Variants in ARHGAP10 observed in about 807,000 individuals in gnomAD.
ARHGAP10 encodes the protein Rho GTPase activating protein 10.
ARHGAP10 carries 87 observed loss-of-function variants against 108.6 expected under a neutral mutation model. The observed-to-expected ratio is 0.80, with a 90% CI of 0.67 to 0.96. The LOEUF (loss-of-function observed/expected upper bound fraction) is 0.96. Among genes scored for constraint, ARHGAP10 ranks in the 40% least tolerant of loss-of-function variants. The pLI, the probability that ARHGAP10 is intolerant of heterozygous loss-of-function variation, is 0.00. For synonymous variants in ARHGAP10, 347 were observed against 341.1 expected (o/e 1.02, Z -0.19); for missense variants, 939 against 954.5 (o/e 0.98, Z 0.21).
intron 8 of ARHGAP10, among the ~76,000 whole-genome samples, chr4:147,876,314 T>C (rs945844041): frequency 4.6e-5 from 7 of 152,136 alleles, no homozygotes; most frequent in African/African-American, 1.7e-4. Flanking sequence ...AAGATAGGGC[T>C]GGGCGCGGTG....
intron 18 of ARHGAP10, among the ~76,000 whole-genome samples, chr4:147,995,201 C>G (rs1740425041): frequency 6.6e-6 from 1 of 152,160 alleles, no homozygotes; most frequent in African/African-American, 2.4e-5. Flanking sequence ...CCATTCATTC[C>G]TCTAGGTCAG....
chr4:147,837,720 A>G (rs1733236858), intron 3 of ARHGAP10, among the ~76,000 whole-genome samples: 1 of 137,582 alleles, frequency 7.3e-6, no homozygotes, highest in Admixed American at 9.1e-5. Flanking sequence ...GTGGAACCCT[A>G]GCTAGGTGTC....
intron 1 of ARHGAP10, among the ~76,000 whole-genome samples, chr4:147,740,868 C>G (rs141293067): frequency 2.0e-5 from 3 of 152,282 alleles, no homozygotes; most frequent in Non-Finnish European, 2.9e-5. Context: ...ATGAAAGCAT[C>G]TTGTATACCC....
chr4:148,049,999 C>T (rs1729061120), intron 20 of ARHGAP10, among the ~76,000 whole-genome samples: 1 of 152,018 alleles, frequency 6.6e-6, no homozygotes, highest in African/African-American at 2.4e-5. Flanking sequence ...TCCCCAGTAG[C>T]TGGGATTACA....
intron 19 of ARHGAP10, among the ~76,000 whole-genome samples, chr4:148,030,019 T>C (rs1355541775): frequency 2.1e-5 from 3 of 142,890 alleles, no homozygotes; most frequent in Admixed American, 7.0e-5. Context: ...ACCCCAATGC[T>C]AGTGACAAAG....
At chr4:147,974,443 CA>C (rs1739520990) in intron 18 of ARHGAP10, among the ~76,000 whole-genome samples, 2 of 152,110 alleles carry the variant, frequency 1.3e-5, no homozygotes, top group South Asian at 4.1e-4. Context: ...TCATATTAAT[CA>C]GGGTGGTTTT....
At chr4:147,758,479 CAGAA>C (rs1303327979) in intron 1 of ARHGAP10, among the ~76,000 whole-genome samples, 2 of 152,072 alleles carry the variant, frequency 1.3e-5, no homozygotes, top group Non-Finnish European at 2.9e-5. Flanking sequence ...TTCATCACCC[CAGAA>C]AGAAAGCCTG....
chr4:148,008,024 G>A (rs541958142), intron 18 of ARHGAP10, among the ~76,000 whole-genome samples: 56 of 152,298 alleles, frequency 3.7e-4, no homozygotes, highest in African/African-American at 1.3e-3. Context: ...TGTGCCCTGT[G>A]TTTGTTAATC....
intron 7 of ARHGAP10, among the ~76,000 whole-genome samples, chr4:147,873,750 C>T (rs1222532334): frequency 3.9e-5 from 4 of 101,390 alleles, no homozygotes; most frequent in African/African-American, 1.3e-4. Flanking sequence ...TGGTGTGCGC[C>T]TGTAGTCCCA....
At chr4:147,784,432 C>T (rs113781094) in intron 1 of ARHGAP10, among the ~76,000 whole-genome samples, 1 of 119,838 alleles carries the variant, frequency 8.3e-6, no homozygotes, top group Admixed American at 1.0e-4. Context: ...TTTTAAATTA[C>T]ATAATATATA....
chr4:147,931,085 C>T (rs945036317), intron 13 of ARHGAP10, among the ~76,000 whole-genome samples: 4 of 152,144 alleles, frequency 2.6e-5, no homozygotes, highest in Non-Finnish European at 4.4e-5. Flanking sequence ...CTGCTTCCCA[C>T]TTTTTGACCC....
At chr4:147,781,242 G>A (rs147731839) in intron 1 of ARHGAP10, among the ~76,000 whole-genome samples, 4,980 of 152,212 alleles carry the variant, frequency 0.033, 94 homozygotes, top group Middle Eastern at 0.061. Context: ...TACTCAAGAG[G>A]CTGAGGCAGG....
intron 3 of ARHGAP10, among the ~76,000 whole-genome samples, chr4:147,830,958 T>C (rs1376202641): frequency 6.6e-6 from 1 of 152,246 alleles, no homozygotes; most frequent in Non-Finnish European, 1.5e-5. Context: ...CTTTCTTTAG[T>C]ATGCCCTAGG....
At chr4:147,888,507 A>C (rs1735663120) in intron 10 of ARHGAP10, among the ~76,000 whole-genome samples, 1 of 152,192 alleles carries the variant, frequency 6.6e-6, no homozygotes, top group Non-Finnish European at 1.5e-5. Context: ...CTAATATGTA[A>C]ATCTTTATTT....
intron 15 of ARHGAP10, among the ~76,000 whole-genome samples, chr4:147,949,797 G>A (rs1387985540): frequency 6.6e-6 from 1 of 151,952 alleles, no homozygotes; most frequent in African/African-American, 2.4e-5. Flanking sequence ...GTTATTGGTG[G>A]AAAACTAAGG....
chr4:147,893,365 A>G (rs933321923), intron 10 of ARHGAP10, among the ~76,000 whole-genome samples: 4 of 151,136 alleles, frequency 2.6e-5, no homozygotes, highest in Non-Finnish European at 5.9e-5. Flanking sequence ...GCAGGAAGTA[A>G]ACTTTTTAAA....
At chr4:147,754,320 A>T (rs1311792264) in intron 1 of ARHGAP10, among the ~76,000 whole-genome samples, 1 of 152,208 alleles carries the variant, frequency 6.6e-6, no homozygotes, top group Admixed American at 6.5e-5. Flanking sequence ...TTGCTATTGT[A>T]GTTCCTCTTG....
intron 14 of ARHGAP10, among the ~76,000 whole-genome samples, chr4:147,945,143 T>C (rs1738322761): frequency 6.6e-6 from 1 of 152,170 alleles, no homozygotes; most frequent in Non-Finnish European, 1.5e-5. Context: ...CCTGCCGCCA[T>C]GCCACAGCTG....
intron 19 of ARHGAP10, among the ~76,000 whole-genome samples, chr4:148,041,526 C>T (rs1293577016): frequency 2.0e-5 from 3 of 152,188 alleles, no homozygotes; most frequent in Non-Finnish European, 2.9e-5. Context: ...AAAAGTTAAA[C>T]TACCTGAAGT....
Sources: allele counts gnomAD v4.1 joint callset (sites outside exome capture counted in the v4.1 genomes callset), GRCh38; gene constraint gnomAD v4.1.1; transcripts MANE v1.5; gene names NCBI Gene and HGNC (gene_info 2026-07-23, HGNC 2026-07-21).